KCNT2: variants seen among roughly 807,000 people sequenced by gnomAD.
KCNT2 encodes the protein potassium sodium-activated channel subfamily T member 2.
KCNT2 carries 67 observed loss-of-function variants against 153.8 expected under a neutral mutation model. The observed-to-expected ratio is 0.44, with a 90% CI of 0.36 to 0.53. The LOEUF (loss-of-function observed/expected upper bound fraction) is 0.53, where lower values mean the gene tolerates loss of function less well. Ranked by LOEUF, KCNT2 falls within the 20% of genes least tolerant of loss-of-function variation. The pLI, the probability that KCNT2 is intolerant of heterozygous loss-of-function variation, is 0.00. For synonymous variants in KCNT2, 500 were observed against 458.8 expected, an observed-to-expected ratio of 1.09 and a Z score of -1.15; for missense variants, 975 against 1,354.8, an observed-to-expected ratio of 0.72 and a Z score of 4.40.
intron 20 of KCNT2, among the ~76,000 whole-genome samples, chr1:196,318,741 C>CA (rs1204970561): frequency 1.3e-5 from 2 of 151,654 alleles, no homozygotes; most frequent in African/African-American, 4.8e-5. Context: ...GTATCCACAG[C>CA]ACTAAATACT....
chr1:196,536,782 G>A (rs959489095), intron 1 of KCNT2, among the ~76,000 whole-genome samples: 1 of 152,038 alleles, frequency 6.6e-6, no homozygotes, highest in Non-Finnish European at 1.5e-5. Flanking sequence ...TAACCTGAAG[G>A]GCAGCATATG....
intron 1 of KCNT2, among the ~76,000 whole-genome samples, chr1:196,494,620 G>A (rs2148741998): frequency 6.6e-6 from 1 of 152,156 alleles, no homozygotes; most frequent in Admixed American, 6.5e-5. Context: ...GCCTCCCAAA[G>A]TGCCGGGATT....
At chr1:196,409,776 T>C (rs1405951302) in intron 12 of KCNT2, among the ~76,000 whole-genome samples, 1 of 151,744 alleles carries the variant, frequency 6.6e-6, no homozygotes, top group East Asian at 1.9e-4. Context: ...CAGACATCTC[T>C]TTCGCATGTT....
intron 19 of KCNT2, among the ~76,000 whole-genome samples, chr1:196,322,616 A>G (rs1057371443): frequency 4.6e-5 from 7 of 151,866 alleles, no homozygotes; most frequent in African/African-American, 1.7e-4. Context: ...CCATCCAAAT[A>G]TTAGTCAGTG....
At chr1:196,281,534 ATAG>A (rs1659095463) in intron 24 of KCNT2, among the ~76,000 whole-genome samples, 1 of 152,168 alleles carries the variant, frequency 6.6e-6, no homozygotes, top group East Asian at 1.9e-4. Flanking sequence ...AGAAAGATGA[ATAG>A]TAGAATAAGC....
intron 12 of KCNT2, among the ~76,000 whole-genome samples, chr1:196,410,600 C>T (rs1312892151): frequency 6.6e-6 from 1 of 151,228 alleles, no homozygotes; most frequent in Non-Finnish European, 1.5e-5. Flanking sequence ...TTATACAGAT[C>T]TCTAGCTCAC....
Position 196,579,583 on chromosome 1 carries a change from T to G in KCNT2, c.95+28632A>C, listed in dbSNP as rs149621799. Among the ~76,000 whole-genome samples, 818 of 152,018 alleles carry G rather than the reference T, an allele frequency of 5.4e-3. 6 individuals carry two copies. Among genetic ancestry groups the G allele is most frequent in the African/African-American group, 0.019 (769 of 41,464 alleles). Reference sequence around the variant, plus strand: ...ATCTCGGCTCACTGCAACCTCCTCCTCCCGGGTTCAAGTGATTCTCCTGCC... The same window carrying G: ...ATCTCGGCTCACTGCAACCTCCTCCGCCCGGGTTCAAGTGATTCTCCTGCC... On this transcript the variant is annotated intron_variant, in intron 1 of 27. Transcript: ENST00000294725.
intron 8 of KCNT2, among the ~76,000 whole-genome samples, chr1:196,459,498 G>A (rs1676967171): frequency 6.6e-6 from 1 of 151,842 alleles, no homozygotes; most frequent in Admixed American, 6.6e-5. Flanking sequence ...ATAATGCTCT[G>A]AGTATTTAAC....
At chr1:196,576,281 A>T (rs1661379980) in intron 1 of KCNT2, among the ~76,000 whole-genome samples, 1 of 152,112 alleles carries the variant, frequency 6.6e-6, no homozygotes. Context: ...TTTTTGTTCC[A>T]TTACTACCAT....
intron 18 of KCNT2, among the ~76,000 whole-genome samples, chr1:196,329,476 T>C: frequency 6.6e-6 from 1 of 152,188 alleles, no homozygotes; most frequent in East Asian, 1.9e-4. Context: ...GATCTCTGTT[T>C]GGAGATAAAT....
intron 21 of KCNT2, among the ~76,000 whole-genome samples, chr1:196,314,890 CTAAG>C (rs1335089532): frequency 2.2e-4 from 33 of 151,682 alleles, no homozygotes; most frequent in African/African-American, 7.0e-4. Context: ...CAGGTATGTG[CTAAG>C]TAAGGCATTG....
intron 14 of KCNT2, among the ~76,000 whole-genome samples, chr1:196,343,686 A>T (rs754633144): frequency 6.6e-6 from 1 of 152,188 alleles, no homozygotes; most frequent in Non-Finnish European, 1.5e-5. Flanking sequence ...AGTATGCTTA[A>T]AGAGTTAAGA....
intron 8 of KCNT2, among the ~76,000 whole-genome samples, chr1:196,442,057 T>C (rs951041724): frequency 7.2e-5 from 11 of 151,758 alleles, no homozygotes; most frequent in Middle Eastern, 3.4e-3. Flanking sequence ...TCAAGAAAAA[T>C]CATCACTTTC....
intron 8 of KCNT2, among the ~76,000 whole-genome samples, chr1:196,462,479 A>G (rs1166691771): frequency 6.6e-6 from 1 of 151,778 alleles, no homozygotes; most frequent in Non-Finnish European, 1.5e-5. Context: ...TTTTAGGCAC[A>G]GTGGTTCCCT....
At chr1:196,467,557 T>C (rs1677730817) in intron 7 of KCNT2, 146 bp downstream of exon 7, 2 of 432,486 alleles carry the variant, frequency 4.6e-6, no homozygotes, top group Non-Finnish European at 8.5e-6. Context: ...TTAATTCCAA[T>C]AGTATGAGTT....
In KCNT2 at chr1:196,227,185, A is replaced by G. The variant is rs946332326; in HGVS notation, c.*1039T>C. 2.6e-5 allele frequency: 4 copies of G among 152,050 alleles called. No individual in the cohort carries two copies. Among genetic ancestry groups the G allele is most frequent in the African/African-American group, 9.6e-5 (4 of 41,466 alleles). 9.4% of individuals were successfully genotyped at this position (152,050 alleles called of 1,614,324 possible). A position where few individuals can be genotyped will look rare whatever the true frequency, so the allele number is the denominator to read the frequency against. Reference sequence around the variant, plus strand: ...TCAAAATTAAGTCAAAAATTTTAATACATCCTTCATTGAGTGTTATTGTTT... The same window carrying G: ...TCAAAATTAAGTCAAAAATTTTAATGCATCCTTCATTGAGTGTTATTGTTT... On this transcript the variant is annotated 3_prime_UTR_variant, in exon 28 of 28. Coordinates refer to ENST00000294725, the MANE Select transcript of KCNT2 (RefSeq NM_198503.5).
At chr1:196,273,126 T>C (rs1456347972) in intron 25 of KCNT2, among the ~76,000 whole-genome samples, 1 of 151,814 alleles carries the variant, frequency 6.6e-6, no homozygotes, top group Admixed American at 6.6e-5. Flanking sequence ...AGGTCTACTC[T>C]AAAAAGTTGA....
At chr1:196,352,330 G>C (rs1463764761) in intron 14 of KCNT2, among the ~76,000 whole-genome samples, 1 of 151,808 alleles carries the variant, frequency 6.6e-6, no homozygotes, top group African/African-American at 2.4e-5. Context: ...GAATCCATCT[G>C]GTCCTGGACT....
chr1:196,401,268 G>T (rs1337282898), intron 12 of KCNT2, among the ~76,000 whole-genome samples: 1 of 151,636 alleles, frequency 6.6e-6, no homozygotes, highest in Non-Finnish European at 1.5e-5. Flanking sequence ...CCAAGCCTCC[G>T]CAACATAACA....
Sources: gnomAD v4.1 joint callset for allele counts (sites outside exome capture counted in the v4.1 genomes callset) on GRCh38, gnomAD v4.1.1 for gene constraint, MANE v1.5 for transcripts, NCBI Gene and HGNC (gene_info 2026-07-23, HGNC 2026-07-21) for gene names.